The following CTSA variants were observed in gnomAD, a reference collection of about 807,000 sequenced individuals.
CTSA encodes the protein lysosomal protective protein.
A neutral mutation model predicts 66.7 loss-of-function variants in CTSA; 42 were observed. That is an observed-to-expected ratio of 0.63 (90% CI 0.49 to 0.81). The LOEUF (loss-of-function observed/expected upper bound fraction) is 0.81, where lower values mean the gene tolerates loss of function less well. Among genes scored for constraint, CTSA ranks in the 40% least tolerant of loss-of-function variants. The pLI, the probability that CTSA is intolerant of heterozygous loss-of-function variation, is 0.00. For missense variants in CTSA, 525 were observed against 610.9 expected (o/e 0.86, Z 1.48); for synonymous variants, 225 against 248.6 (o/e 0.91, Z 0.89).
In CTSA at chr20:45,892,778, G is replaced by A. The variant is rs2145815861; in HGVS notation, c.498G>A (p.Glu166=). 6.2e-7 allele frequency: 1 copy of A among 1,614,188 alleles called. No individual in the cohort carries two copies. The change falls in exon 6 of 15, where the codon GAG becomes GAA. Residue 166 remains glutamate, a synonymous_variant. Coordinates refer to ENST00000646241, the MANE Select transcript of CTSA (RefSeq NM_000308.4). ...AAGATTTCTTCCGCCTCTTTCCGGA[G>A]TACAAGAACAACAAACTTTTCCTGA... ...ALQDFFRLFP[E]YKNNKLFLTG... is the part of the protein sequence containing the mutation.
chr20:45,891,598 C>CCTGCTGCTGCTGCTG lies in CTSA; in HGVS notation c.42_56dup (p.Leu15_Leu19dup). 2.5e-6 allele frequency: 4 copies of CCTGCTGCTGCTGCTG among 1,581,770 alleles called. No homozygotes were observed. The highest frequency in any genetic ancestry group is 1.7e-5 in the Admixed American group (1 of 58,580). Reference sequence around the variant, plus strand: ...TCCGAGCCGCGCCGCCGCCGCTGTTCCTGCTGCTGCTGCTGCTGCTGCTGC... The same window carrying CCTGCTGCTGCTGCTG: ...TCCGAGCCGCGCCGCCGCCGCTGTTCCTGCTGCTGCTGCTGCTGCTGCTGCTGCTGCTGCTGCTGC... On this transcript the variant is annotated inframe_insertion, in exon 2 of 15. Coordinates refer to ENST00000646241, the MANE Select transcript of CTSA (RefSeq NM_000308.4). This position sits in a 1 kb window ranked among gnomAD's most constrained non-coding sequence, Gnocchi z 4.6.
intron 8 of CTSA, chr20:45,894,406 A>G: frequency 1.6e-6 from 1 of 616,460 alleles, no homozygotes; most frequent in Non-Finnish European, 2.9e-6. Context: ...CATTTTCCAG[A>G]TAAGGAAACT....
Position 45,898,382 on chromosome 20 carries a change from G to T in CTSA, c.1375G>T (p.Val459Phe). The T allele has an allele frequency of 1.9e-6, 3 of 1,613,908 alleles. No homozygotes were observed. The highest frequency in any genetic ancestry group is 2.5e-6 in the Non-Finnish European group (3 of 1,179,924). Residue 459 changes from valine (V) to phenylalanine (F), a missense_variant, in exon 15 of 15, where the codon GTT becomes TTT. Transcript: ENST00000646241. The surrounding 1 kb of genome is among the most constrained non-coding windows in gnomAD (Gnocchi z 4.6). ...FLTIKGAGHM[V>F]PTDKPLAAFT... ...TGCTCCTCAGGGCGCCGGCCACATG[G>T]TTCCCACCGACAAGCCCCTCGCTGC... is the stretch of plus-strand genomic sequence containing the variant.
Position 45,898,502 on chromosome 20 carries a change from C to T in CTSA, c.*52C>T, listed in dbSNP as rs562582901. ...TGATGCAGCCCCTCCCAGCCTCTCC[C>T]GCTAGGAGAGTCCTCTTCTAAGCAA... On this transcript the variant is annotated 3_prime_UTR_variant, in exon 15 of 15. Coordinates refer to ENST00000646241, the MANE Select transcript of CTSA (RefSeq NM_000308.4). This position sits in a 1 kb window ranked among gnomAD's most constrained non-coding sequence, Gnocchi z 4.6. The T allele has an allele frequency of 7.8e-5, 120 of 1,537,390 alleles. No homozygotes were observed. The highest frequency in any genetic ancestry group is 3.4e-4 in the Middle Eastern group (2 of 5,920).
chr20:45,895,368 T>A, intron 11 of CTSA: 1 of 512,772 alleles, frequency 2.0e-6, no homozygotes, highest in East Asian at 3.7e-5. Flanking sequence ...TCACCTAGGC[T>A]GGAGTGCAGT....
rs372830379 is a variant in CTSA at position 45,895,136 on chromosome 20, G to A, written c.1088+3G>A. ...CTGCCACAATGGGACATGTGCAAGT[G>A]AGGTTCCGTGGCCACCTGTGACTTG... On this transcript the variant is annotated splice_donor_region_variant and intron_variant, in intron 11 of 14. Coordinates refer to ENST00000646241, the MANE Select transcript of CTSA (RefSeq NM_000308.4). The A allele has an allele frequency of 3.4e-5, 55 of 1,614,112 alleles. No individual in the cohort carries two copies. The African/African-American group carries it at 7.1e-4, about 21-fold the overall frequency.
chr20:45,894,587 C>A, intron 8 of CTSA, 63 bp from the exon 9 acceptor site: 1 of 1,426,266 alleles, frequency 7.0e-7, no homozygotes, highest in Non-Finnish European at 9.9e-7. Context: ...CTTGGGACAA[C>A]TTGGTGGGGT....
chr20:45,893,439 A>G, intron 7 of CTSA, 128 bp downstream of exon 7: 1 of 743,964 alleles, frequency 1.3e-6, no homozygotes. Flanking sequence ...TGCAGAAAGA[A>G]CCTAGTGCTG....
At position 45,898,479 on chromosome 20, in the gene CTSA, A is replaced by G; in HGVS notation, c.*29A>G. 1 of 1,602,894 alleles carries G rather than the reference A, an allele frequency of 6.2e-7. No individual in the cohort carries two copies. The highest frequency in any genetic ancestry group is 1.1e-5 in the South Asian group (1 of 90,824). ...CCACAGCAACCAGCTCCACGGCCTG[A>G]TGCAGCCCCTCCCAGCCTCTCCCGC... is the stretch of plus-strand genomic sequence containing the variant. On this transcript the variant is annotated 3_prime_UTR_variant, in exon 15 of 15. Transcript: ENST00000646241. The surrounding 1 kb of genome is among the most constrained non-coding windows in gnomAD (Gnocchi z 4.6).
At position 45,898,188 on chromosome 20, in the gene CTSA, CT is replaced by C; in HGVS notation, c.1359+83del. On this transcript the variant is annotated intron_variant, in intron 14 of 14. Transcript: ENST00000646241. This position sits in a 1 kb window ranked among gnomAD's most constrained non-coding sequence, Gnocchi z 4.6. ...CCACCCGTCCTTTCCCTCTGGCTGCCTTTTAGGCTGGGTCATGGGTCACCAT... is the reference window on the plus strand; with the variant it reads ...CCACCCGTCCTTTCCCTCTGGCTGCCTTTAGGCTGGGTCATGGGTCACCAT... 2.0e-6 allele frequency: 3 copies of C among 1,503,494 alleles called. No homozygotes were observed. Among genetic ancestry groups the C allele is most frequent in the Non-Finnish European group, 2.8e-6 (3 of 1,087,468 alleles). 93.1% of individuals were successfully genotyped at this position (1,503,494 alleles called of 1,614,324 possible).
chr20:45,898,187 C>A lies in CTSA; in HGVS notation c.1359+78C>A. On this transcript the variant is annotated intron_variant, in intron 14 of 14. Transcript: ENST00000646241. This position sits in a 1 kb window ranked among gnomAD's most constrained non-coding sequence, Gnocchi z 4.6. ...CCCACCCGTCCTTTCCCTCTGGCTG[C>A]CTTTTAGGCTGGGTCATGGGTCACC... 6.6e-7 allele frequency: 1 copy of A among 1,504,678 alleles called. No individual in the cohort carries two copies. Among genetic ancestry groups the A allele is most frequent in the Non-Finnish European group, 9.2e-7 (1 of 1,088,160 alleles). The allele number at this position is 1,504,678 out of a possible 1,614,324, so 93.2% of individuals were successfully genotyped here.
At position 45,894,661 on chromosome 20, in the gene CTSA, G is replaced by T. The variant is rs780514354; in HGVS notation, c.789G>T (p.Val263=). ...GTGTATCATTGCAGCTTCAGGAAGTGGCCCGCATCGTGGGCAACTCTGGCC... is the reference window on the plus strand; with the variant it reads ...GTGTATCATTGCAGCTTCAGGAAGTTGCCCGCATCGTGGGCAACTCTGGCC... ...DLECVTNLQE[V]ARIVGNSGLN... is the part of the protein sequence containing the mutation. Residue 263 remains valine, a synonymous_variant, in exon 9 of 15, where the codon GTG becomes GTT. Coordinates refer to ENST00000646241, the MANE Select transcript of CTSA (RefSeq NM_000308.4). 20 of 1,613,836 alleles carry T rather than the reference G, an allele frequency of 1.2e-5. No homozygotes were observed. Among genetic ancestry groups the T allele is most frequent in the Non-Finnish European group, 1.4e-5 (16 of 1,179,860 alleles).
At position 45,898,720 on chromosome 20, in the gene CTSA, A is replaced by T. The variant is rs1277273649; in HGVS notation, c.*270A>T. 1 of 668,282 alleles carries T rather than the reference A, an allele frequency of 1.5e-6. No homozygotes were observed. Among genetic ancestry groups the T allele is most frequent in the African/African-American group, 1.8e-5 (1 of 55,476 alleles). The allele number at this position is 668,282 out of a possible 1,614,324, so 41.4% of individuals were successfully genotyped here. ...ATGCCCTTTATGATGCACTGATTCC[A>T]TCCCAGGAACCCAACAGAGCTCAGG... On this transcript the variant is annotated 3_prime_UTR_variant, in exon 15 of 15. Coordinates refer to ENST00000646241, the MANE Select transcript of CTSA (RefSeq NM_000308.4). The surrounding 1 kb of genome is among the most constrained non-coding windows in gnomAD (Gnocchi z 4.6).
At position 45,897,749 on chromosome 20, in the gene CTSA, A is replaced by C. The variant is rs1349370602; in HGVS notation, c.1197A>C (p.Val399=). Residue 399 remains valine, a synonymous_variant, in exon 13 of 15, where the codon GTA becomes GTC. Coordinates refer to ENST00000646241, the MANE Select transcript of CTSA (RefSeq NM_000308.4). ...AGATCCTATTATATAATGGAGATGT[A>C]GACATGGCCTGCAATTTCATGGGGG... The part of the protein sequence containing the change: ...KYQILLYNGD[V]DMACNFMGDE... The C allele has an allele frequency of 6.2e-7, 1 of 1,612,118 alleles. No individual in the cohort carries two copies.
Position 45,898,084 on chromosome 20 carries a change from C to T in CTSA, c.1334C>T (p.Ser445Phe). Residue 445 changes from serine (S) to phenylalanine (F), a missense_variant, in exon 14 of 15, where the codon TCC (serine) becomes TTC (phenylalanine). Ser to Phe is a radical substitution (Grantham distance 155). Around this residue, in one of 3 missense-constraint regions of CTSA, gnomAD observed 274 missense variants for 321.1 expected, o/e 0.85. Transcript: ENST00000646241. This position sits in a 1 kb window ranked among gnomAD's most constrained non-coding sequence, Gnocchi z 4.6. ...EQIAGFVKEF[S>F]HIAFLTIKGA... Reference sequence around the variant, plus strand: ...ATTGCCGGCTTCGTGAAGGAGTTCTCCCACATCGCCTTTCTCACGATCAAG... The same window carrying T: ...ATTGCCGGCTTCGTGAAGGAGTTCTTCCACATCGCCTTTCTCACGATCAAG... The T allele has an allele frequency of 1.9e-6, 3 of 1,613,996 alleles. No individual in the cohort carries two copies. The South Asian group carries it at 3.3e-5, about 18-fold the overall frequency.
In CTSA at chr20:45,893,208, G is replaced by T; in HGVS notation, c.601-12G>T. 6.2e-7 allele frequency: 1 copy of T among 1,608,106 alleles called. No homozygotes were observed. ...CCCTCCACATGAGCTGAGCACCCTGGGTGTTTCACAGGGGCTGGCTGTGGG... is the reference window on the plus strand; with the variant it reads ...CCCTCCACATGAGCTGAGCACCCTGTGTGTTTCACAGGGGCTGGCTGTGGG... On this transcript the variant is annotated splice_polypyrimidine_tract_variant and intron_variant, in intron 6 of 14. Transcript: ENST00000646241.
intron 6 of CTSA, 147 bp downstream of exon 6, chr20:45,893,027 G>C: frequency 9.7e-7 from 1 of 1,033,586 alleles, no homozygotes; most frequent in East Asian, 2.6e-5. Context: ...CTGTCTGTGT[G>C]CCTCCCACAC....
intron 3 of CTSA, 24 bp downstream of exon 3, chr20:45,892,051 C>A: frequency 6.3e-7 from 1 of 1,590,368 alleles, no homozygotes; most frequent in Non-Finnish European, 8.6e-7. Context: ...AGGGGGAAAG[C>A]ACAGTTCCCA....
chr20:45,895,387 C>T (rs192203648), intron 11 of CTSA: 16 of 490,186 alleles, frequency 3.3e-5, no homozygotes, highest in African/African-American at 2.3e-4. Flanking sequence ...GTGGTGTGAT[C>T]ATAGCTCACT....
Sources: gnomAD v4.1 joint callset for allele counts on GRCh38, gnomAD v4.1.1 for gene constraint, gnomAD v4.1.1 regional missense constraint, Gnocchi (gnomAD v3.1) non-coding constraint, MANE v1.5 for transcripts, NCBI Gene and HGNC (gene_info 2026-07-23, HGNC 2026-07-21) for gene names.